The following FGGY variants were observed in gnomAD, a reference collection of about 807,000 sequenced individuals.
FGGY encodes FGGY carbohydrate kinase domain containing, also known as FGGY carbohydrate kinase domain-containing protein.
Under a neutral mutation model 71.3 loss-of-function variants are expected in FGGY, and 72 were observed. That is an observed-to-expected ratio of 1.01 (90% CI 0.84 to 1.23). The LOEUF (loss-of-function observed/expected upper bound fraction) is 1.23. Ranked by LOEUF, FGGY falls within the 50% of genes most tolerant of loss-of-function variation. The pLI is 0.00. For missense variants in FGGY, 668 were observed against 682.3 expected (o/e 0.98, Z 0.23); for synonymous variants, 251 against 250.3 (o/e 1.00, Z -0.02).
intron 2 of FGGY, among the ~76,000 whole-genome samples, chr1:59,326,313 A>G (rs1224114544): frequency 6.6e-6 from 1 of 152,204 alleles, no homozygotes; most frequent in Non-Finnish European, 1.5e-5. Context: ...CCAGTAAAGT[A>G]CCATTTTGTT....
chr1:59,647,889 C>A (rs55732433), intron 11 of FGGY, among the ~76,000 whole-genome samples: 7,215 of 92,972 alleles, frequency 0.078, 308 homozygotes, highest in Middle Eastern at 0.15. Context: ...CCAATGCTAT[C>A]CCTCCCCCCT....
At chr1:59,336,648 C>T (rs928016065) in intron 2 of FGGY, among the ~76,000 whole-genome samples, 3 of 152,050 alleles carry the variant, frequency 2.0e-5, no homozygotes, top group South Asian at 2.1e-4. Flanking sequence ...CCCCTTGCCC[C>T]GCACCCCCTG....
chr1:59,500,507 T>C (rs537730134), intron 6 of FGGY, among the ~76,000 whole-genome samples: 2 of 151,944 alleles, frequency 1.3e-5, no homozygotes, highest in African/African-American at 4.8e-5. Flanking sequence ...TAGATGGCTT[T>C]TATGATATAT....
chr1:59,661,446 T>G (rs550791717), intron 12 of FGGY, among the ~76,000 whole-genome samples: 28 of 152,350 alleles, frequency 1.8e-4, no homozygotes, highest in Non-Finnish European at 3.7e-4. Context: ...TTACTATATC[T>G]TCCTGAAGCA....
intron 8 of FGGY, among the ~76,000 whole-genome samples, chr1:59,579,636 A>G (rs2096151082): frequency 6.6e-6 from 1 of 152,070 alleles, no homozygotes; most frequent in South Asian, 2.1e-4. Flanking sequence ...TGTCAGTTCT[A>G]CTGATGGAAT....
At chr1:59,752,846 G>A (rs952375428) in intron 14 of FGGY, among the ~76,000 whole-genome samples, 3 of 152,146 alleles carry the variant, frequency 2.0e-5, no homozygotes, top group African/African-American at 4.8e-5. Context: ...TTTCATGGCC[G>A]TGGTACAGGG....
intron 8 of FGGY, among the ~76,000 whole-genome samples, chr1:59,586,825 G>T (rs549109548): frequency 6.6e-6 from 1 of 152,304 alleles, no homozygotes; most frequent in Non-Finnish European, 1.5e-5. Flanking sequence ...CAAGATGGCC[G>T]AATAGGAACA....
intron 14 of FGGY, among the ~76,000 whole-genome samples, chr1:59,735,421 C>A (rs1481246873): frequency 6.6e-6 from 1 of 152,344 alleles, no homozygotes; most frequent in East Asian, 1.9e-4. Context: ...TGCTTTGACA[C>A]CAGGTGATAT....
intron 11 of FGGY, among the ~76,000 whole-genome samples, chr1:59,650,494 C>G (rs1370762214): frequency 2.9e-5 from 3 of 102,730 alleles, no homozygotes; most frequent in African/African-American, 5.1e-5. Flanking sequence ...TGTATGTGTC[C>G]AGGAATTTAT....
At chr1:59,528,191 G>A (rs1306108281) in intron 7 of FGGY, among the ~76,000 whole-genome samples, 2 of 152,198 alleles carry the variant, frequency 1.3e-5, no homozygotes, top group Non-Finnish European at 2.9e-5. Context: ...TTGAATCCAG[G>A]CTAATTGAAA....
At chr1:59,333,790 A>G (rs1023293661) in intron 2 of FGGY, among the ~76,000 whole-genome samples, 10 of 152,234 alleles carry the variant, frequency 6.6e-5, no homozygotes, top group African/African-American at 2.4e-4. Context: ...TCATGAGGCC[A>G]TACTGCCTGT....
chr1:59,670,801 G>C (rs1374323254), intron 13 of FGGY, among the ~76,000 whole-genome samples: 1 of 152,282 alleles, frequency 6.6e-6, no homozygotes, highest in African/African-American at 2.4e-5. Flanking sequence ...GGAGAGCGGG[G>C]CCTTGCCAGC....
intron 2 of FGGY, among the ~76,000 whole-genome samples, chr1:59,325,020 T>G (rs1301284401): frequency 1.3e-5 from 2 of 152,204 alleles, no homozygotes; most frequent in African/African-American, 4.8e-5. Flanking sequence ...TCTGGAATAC[T>G]CTTCTCTTAA....
In FGGY at chr1:59,607,037, T is replaced by C. The variant is rs1032358447; in HGVS notation, c.904-766T>C. On this transcript the variant is annotated intron_variant, in intron 8 of 15. Transcript: ENST00000303721. ...AAAAGGAAAGAAATCTATCAGTTATTATAGTCCCCCAAATGCTAAGTTACA... is the reference window on the plus strand; with the variant it reads ...AAAAGGAAAGAAATCTATCAGTTATCATAGTCCCCCAAATGCTAAGTTACA... Among the ~76,000 whole-genome samples, 4 of 152,174 alleles carry C rather than the reference T, an allele frequency of 2.6e-5. No individual in the cohort carries two copies. In the South Asian group the frequency reaches 6.2e-4, roughly 24 times the overall value.
intron 1 of FGGY, among the ~76,000 whole-genome samples, chr1:59,319,619 A>G (rs1228574116): frequency 2.6e-5 from 4 of 152,144 alleles, no homozygotes; most frequent in African/African-American, 9.7e-5. Flanking sequence ...CAAGGAAAGG[A>G]GAGAATTAGG....
intron 5 of FGGY, among the ~76,000 whole-genome samples, chr1:59,447,715 T>A (rs2071624070): frequency 6.6e-6 from 1 of 152,212 alleles, no homozygotes; most frequent in Admixed American, 6.5e-5. Context: ...TCCTCCTCTC[T>A]TGTCTGCTGC....
At chr1:59,483,376 C>G (rs2093559142) in intron 6 of FGGY, among the ~76,000 whole-genome samples, 1 of 152,138 alleles carries the variant, frequency 6.6e-6, no homozygotes, top group Non-Finnish European at 1.5e-5. Context: ...TGAAGATACT[C>G]AGCCCCTGCC....
rs1402920212 is a variant in FGGY at position 59,582,915 on chromosome 1, A to G, written c.904-24888A>G. Among the ~76,000 whole-genome samples, 21 of 150,116 alleles carry G rather than the reference A, an allele frequency of 1.4e-4. 1 individual carries two copies. In the East Asian group the frequency reaches 3.9e-3, roughly 28 times the overall value. The stretch of plus-strand genomic sequence containing the variant: ...AGAGATGTGATGGTGTTGAATACTC[A>G]TCGTTTTTGATATTTTGAAGGCTCT... On this transcript the variant is annotated intron_variant, in intron 8 of 15. Transcript: ENST00000303721.
chr1:59,595,333 A>C (rs2096507907), intron 8 of FGGY, among the ~76,000 whole-genome samples: 1 of 151,984 alleles, frequency 6.6e-6, no homozygotes, highest in Admixed American at 6.6e-5. Context: ...AAAAAAAATG[A>C]CAGTAAGAGC....
Sources: gnomAD v4.1 joint callset for allele counts (sites outside exome capture counted in the v4.1 genomes callset) on GRCh38, gnomAD v4.1.1 for gene constraint, MANE v1.5 for transcripts, NCBI Gene and HGNC (gene_info 2026-07-23, HGNC 2026-07-21) for gene names.